Variants in KALRN observed in about 807,000 individuals in gnomAD.
KALRN encodes the protein kalirin RhoGEF kinase.
In KALRN, 70 loss-of-function variants were observed where a neutral mutation model predicts 353.7. The ratio of observed to expected loss-of-function variants is 0.20; its 90% confidence interval spans 0.16 to 0.24. The LOEUF is 0.24. Among genes scored for constraint, KALRN ranks in the 10% least tolerant of loss-of-function variants. The pLI, the probability that KALRN is intolerant of heterozygous loss-of-function variation, is 1.00. For synonymous variants in KALRN, 1,391 were observed against 1,434.8 expected, an observed-to-expected ratio of 0.97 and a Z score of 0.69; for missense variants, 2,791 against 3,756.7, an observed-to-expected ratio of 0.74 and a Z score of 6.72.
chr3:124,286,627 T>G (rs1580511544), intron 5 of KALRN, among the ~76,000 whole-genome samples: 1 of 152,322 alleles, frequency 6.6e-6, no homozygotes, highest in East Asian at 1.9e-4. Flanking sequence ...GCCATTACAC[T>G]CATCCAGTGA....
intron 33 of KALRN, among the ~76,000 whole-genome samples, chr3:124,558,577 C>G (rs1189119331): frequency 6.6e-6 from 1 of 152,236 alleles, no homozygotes; most frequent in African/African-American, 2.4e-5. Flanking sequence ...CTGCGCCCAG[C>G]CCAGAACTTA....
chr3:124,717,488 C>T (rs936786873), intron 59 of KALRN, 103 bp downstream of exon 59: 11 of 688,410 alleles, frequency 1.6e-5, no homozygotes, highest in Non-Finnish European at 2.3e-5. Flanking sequence ...AGATCGAGAC[C>T]ATCCTGGCTG....
chr3:124,503,868 A>G (rs993345529), intron 33 of KALRN, among the ~76,000 whole-genome samples: 5 of 152,240 alleles, frequency 3.3e-5, no homozygotes, highest in African/African-American at 1.2e-4. Flanking sequence ...CTAGGTTCAC[A>G]GGGCAAAATA....
chr3:124,642,291 A>G (rs1193436266), intron 37 of KALRN, among the ~76,000 whole-genome samples: 4 of 133,374 alleles, frequency 3.0e-5, no homozygotes, highest in African/African-American at 5.8e-5. Flanking sequence ...TCTACAGAAA[A>G]ACAAAAAATT....
Position 124,286,892 on chromosome 3 carries a change from T to C in KALRN, c.970-11899T>C, listed in dbSNP as rs58811716. ...CTCTTTATATATCTTATAATTTACA[T>C]TGTATAGTGGATATTGTAGATGATA... On this transcript the variant is annotated intron_variant, in intron 5 of 59. Coordinates refer to ENST00000682506, the MANE Select transcript of KALRN (RefSeq NM_001388419.1). 0.046 allele frequency among the ~76,000 whole-genome samples: 6,975 copies of C among 152,256 alleles called. 766 individuals carry two copies. In the East Asian group the frequency reaches 0.47, roughly 10 times the overall value.
chr3:124,151,120 A>G (rs896184516), intron 1 of KALRN, among the ~76,000 whole-genome samples: 8 of 152,182 alleles, frequency 5.3e-5, no homozygotes, highest in Non-Finnish European at 1.0e-4. Context: ...GCTTGGTGCT[A>G]TTATGAATAA....
At chr3:124,283,033 C>T (rs1457869590) in intron 5 of KALRN, among the ~76,000 whole-genome samples, 1 of 152,204 alleles carries the variant, frequency 6.6e-6, no homozygotes, top group Non-Finnish European at 1.5e-5. Context: ...GAGAAGGGCT[C>T]CCACAGGGAA....
intron 3 of KALRN, among the ~76,000 whole-genome samples, chr3:124,249,139 A>G (rs1028689709): frequency 6.6e-6 from 1 of 152,202 alleles, no homozygotes. Flanking sequence ...TACACAGGAC[A>G]CTTGTTTAGT....
At chr3:124,185,515 G>A (rs1475850989) in intron 1 of KALRN, among the ~76,000 whole-genome samples, 1 of 152,192 alleles carries the variant, frequency 6.6e-6, no homozygotes, top group Non-Finnish European at 1.5e-5. Flanking sequence ...TGGGGCTTCT[G>A]TGCTGGATTG....
At chr3:124,510,399 G>T (rs930821571) in intron 33 of KALRN, among the ~76,000 whole-genome samples, 3 of 152,142 alleles carry the variant, frequency 2.0e-5, no homozygotes, top group Admixed American at 6.5e-5. Flanking sequence ...CAAGTTCAGG[G>T]TTTGTGAATT....
chr3:124,534,974 T>TA (rs1410050457), intron 33 of KALRN, among the ~76,000 whole-genome samples: 7 of 151,948 alleles, frequency 4.6e-5, no homozygotes, highest in African/African-American at 1.4e-4. Context: ...CTAGCCAGAG[T>TA]AAAAAAATCT....
chr3:124,234,789 C>A, intron 2 of KALRN, 40 bp from the exon 3 acceptor site: 1 of 1,461,932 alleles, frequency 6.8e-7, no homozygotes, highest in East Asian at 2.5e-5. Flanking sequence ...TCCTTTCTGA[C>A]TGGTTTTCTT....
intron 1 of KALRN, among the ~76,000 whole-genome samples, chr3:124,198,378 A>G (rs2075643262): frequency 6.6e-6 from 1 of 152,202 alleles, no homozygotes; most frequent in South Asian, 2.1e-4. Context: ...AGTTTATTGT[A>G]TTAGATTTCC....
intron 1 of KALRN, among the ~76,000 whole-genome samples, chr3:124,121,700 T>A (rs1436515427): frequency 1.3e-5 from 2 of 152,238 alleles, no homozygotes; most frequent in Non-Finnish European, 1.5e-5. Flanking sequence ...TTGGGGATGC[T>A]TTTGCAGCCC....
chr3:124,592,309 C>CAAAAAAAAAAAAAAAAAAAAAAAA (rs10575664), intron 34 of KALRN, among the ~76,000 whole-genome samples: 1 of 120,648 alleles, frequency 8.3e-6, no homozygotes. Flanking sequence ...CTCAAAGAAA[C>CAAAAAAAAAAAAAAAAAAAAAAAA]AAAAAAAAAA....
chr3:124,431,826 C>T (rs926506185), intron 16 of KALRN, among the ~76,000 whole-genome samples: 1 of 152,142 alleles, frequency 6.6e-6, no homozygotes, highest in Non-Finnish European at 1.5e-5. Context: ...TGATTGATTG[C>T]AACCATTTAA....
chr3:124,584,690 G>A, intron 34 of KALRN: 1 of 1,433,584 alleles, frequency 7.0e-7, no homozygotes. Context: ...CTGCGGCCGC[G>A]GTGCGGGGAG....
At chr3:124,647,781 G>C in intron 37 of KALRN, among the ~76,000 whole-genome samples, 1 of 152,212 alleles carries the variant, frequency 6.6e-6, no homozygotes, top group East Asian at 1.9e-4. Context: ...GCCATGCAGG[G>C]AGTATGTAAA....
intron 1 of KALRN, among the ~76,000 whole-genome samples, chr3:124,098,180 G>T (rs1414829236): frequency 6.6e-6 from 1 of 152,184 alleles, no homozygotes; most frequent in Non-Finnish European, 1.5e-5. Context: ...TTCCCAGCAT[G>T]TGGGAATGTC....
Sources: allele counts gnomAD v4.1 joint callset (sites outside exome capture counted in the v4.1 genomes callset), GRCh38; gene constraint gnomAD v4.1.1; transcripts MANE v1.5; gene names NCBI Gene and HGNC (gene_info 2026-07-23, HGNC 2026-07-21).